ATP9B: variants seen among roughly 807,000 people sequenced by gnomAD.
ATP9B encodes the protein probable phospholipid-transporting ATPase IIB.
ATP9B carries 110 observed loss-of-function variants against 146.1 expected under a neutral mutation model. That is an observed-to-expected ratio of 0.75 (90% CI 0.65 to 0.88). The LOEUF (loss-of-function observed/expected upper bound fraction) is 0.88. Among genes scored for constraint, ATP9B ranks in the 40% least tolerant of loss-of-function variants. The probability of loss-of-function intolerance (pLI) is 0.00; values close to 1 mark genes in which losing one functional copy is unlikely to be tolerated. For synonymous variants in ATP9B, 604 were observed against 569.7 expected, an observed-to-expected ratio of 1.06 and a Z score of -0.86; for missense variants, 1,499 against 1,496.4, an observed-to-expected ratio of 1.00 and a Z score of -0.03.
chr18:79,074,547 C>T (rs773899288), intron 1 of ATP9B, among the ~76,000 whole-genome samples: 6 of 152,238 alleles, frequency 3.9e-5, no homozygotes, highest in African/African-American at 2.4e-5. Flanking sequence ...AGAGACCAGT[C>T]TCGGGCATGA....
chr18:79,344,331 G>T lies in ATP9B; in HGVS notation c.2449G>T (p.Val817Phe), dbSNP rs2096874370. The T allele has an allele frequency of 6.2e-7, 1 of 1,614,210 alleles. No homozygotes were observed. Among genetic ancestry groups the T allele is most frequent in the Non-Finnish European group, 8.5e-7 (1 of 1,180,034 alleles). Residue 817 changes from valine to phenylalanine, a missense_variant, in exon 21 of 30, where the codon GTC (valine) becomes TTC (phenylalanine). Val to Phe is a conservative substitution (Grantham distance 50). Transcript: ENST00000426216. ...TCGAAGGAAGCATGATTGTGCACTA[G>T]TCATATCTGGGGACTCTCTGGAGGT... ...AFRRKHDCAL[V>F]ISGDSLEVCL...
rs192534197 is a variant in ATP9B at position 79,291,911 on chromosome 18, C to T, written c.1412-11693C>T. Among the ~76,000 whole-genome samples the T allele has an allele frequency of 9.8e-5, 15 of 152,322 alleles. No individual in the cohort carries two copies. The East Asian group carries it at 1.9e-3, about 20-fold the overall frequency. The stretch of plus-strand genomic sequence containing the variant: ...CTCCCCATCCTCCCCTTCCATCGCC[C>T]GTGCCCCAGGCAGCCCCTGGTTACT... On this transcript the variant is annotated intron_variant, in intron 13 of 29. Coordinates refer to ENST00000426216, the MANE Select transcript of ATP9B (RefSeq NM_198531.5).
At chr18:79,288,625 A>T (rs2096468597) in intron 13 of ATP9B, among the ~76,000 whole-genome samples, 2 of 152,074 alleles carry the variant, frequency 1.3e-5, no homozygotes, top group South Asian at 4.2e-4. Context: ...TTTAAAGTTA[A>T]TATTGTTATG....
intron 19 of ATP9B, 106 bp from the exon 20 acceptor site, chr18:79,342,162 G>A: frequency 1.3e-6 from 1 of 758,386 alleles, no homozygotes; most frequent in Admixed American, 1.9e-5. Context: ...TCTATTGACG[G>A]GCACCTGGGT....
At chr18:79,230,411 G>A (rs4449018) in intron 11 of ATP9B, among the ~76,000 whole-genome samples, 57,567 of 151,944 alleles carry the variant, frequency 0.38, 11,922 homozygotes, top group African/African-American at 0.55. Context: ...TAGCCCTGCT[G>A]TATACCAAAC....
At position 79,193,679 on chromosome 18, in the gene ATP9B, G is replaced by A. The variant is rs549399219; in HGVS notation, c.954+416G>A. On this transcript the variant is annotated intron_variant, in intron 9 of 29. Coordinates refer to ENST00000426216, the MANE Select transcript of ATP9B (RefSeq NM_198531.5). ...CTTTATACACATATGTATATTTCAT[G>A]CCACACACTTTATATTATTACAGAG... Among the ~76,000 whole-genome samples, 167 of 152,246 alleles carry A rather than the reference G, an allele frequency of 1.1e-3. 1 individual carries two copies. Among genetic ancestry groups the A allele is most frequent in the African/African-American group, 3.8e-3 (160 of 41,564 alleles).
Position 79,157,477 on chromosome 18 carries a change from T to C in ATP9B, c.778+2922T>C, listed in dbSNP as rs915598473. Among the ~76,000 whole-genome samples the C allele has an allele frequency of 3.3e-5, 5 of 151,826 alleles. No individual in the cohort carries two copies. In the East Asian group the frequency reaches 9.7e-4, roughly 29 times the overall value. On this transcript the variant is annotated intron_variant, in intron 7 of 29. Transcript: ENST00000426216. ...GCTTTTTCTTGTGTTATTTTTGTTTTGGTGTCAGGGTAATACTGGCCTTAG... is the reference window on the plus strand; with the variant it reads ...GCTTTTTCTTGTGTTATTTTTGTTTCGGTGTCAGGGTAATACTGGCCTTAG...
intron 3 of ATP9B, among the ~76,000 whole-genome samples, chr18:79,112,400 T>C (rs952271111): frequency 4.2e-4 from 64 of 152,218 alleles, no homozygotes; most frequent in African/African-American, 1.5e-3. Context: ...GATCTATTAA[T>C]ATGTTAGATC....
chr18:79,182,513 A>T (rs1322837160), intron 8 of ATP9B, among the ~76,000 whole-genome samples: 1 of 151,946 alleles, frequency 6.6e-6, no homozygotes, highest in Non-Finnish European at 1.5e-5. Flanking sequence ...CTAAAGTGGT[A>T]AATCTCTTTA....
chr18:79,359,611 A>G (rs2096975454), intron 26 of ATP9B, 149 bp downstream of exon 26: 1 of 647,266 alleles, frequency 1.5e-6, no homozygotes, highest in South Asian at 1.8e-5. Context: ...ATGTCTCCTA[A>G]TTGTTGTTGG....
At position 79,313,995 on chromosome 18, in the gene ATP9B, G is replaced by A. The variant is rs553013622; in HGVS notation, c.1773+6761G>A. ...ATTATTTAGCTTATTGAACTTTGCTGCAGTTAGGTTGACGGATGATAGTAG... is the reference window on the plus strand; with the variant it reads ...ATTATTTAGCTTATTGAACTTTGCTACAGTTAGGTTGACGGATGATAGTAG... On this transcript the variant is annotated intron_variant, in intron 15 of 29. Transcript: ENST00000426216. Among the ~76,000 whole-genome samples the A allele has an allele frequency of 3.3e-5, 5 of 152,306 alleles. No homozygotes were observed. The South Asian group carries it at 1.0e-3, about 32-fold the overall frequency.
intron 8 of ATP9B, among the ~76,000 whole-genome samples, chr18:79,187,873 A>G (rs1439095956): frequency 6.6e-6 from 1 of 152,230 alleles, no homozygotes; most frequent in East Asian, 1.9e-4. Context: ...AATAGTAAAT[A>G]TGTCTTCTAG....
intron 1 of ATP9B, among the ~76,000 whole-genome samples, chr18:79,081,521 G>T (rs892337904): frequency 6.6e-6 from 1 of 151,004 alleles, no homozygotes; most frequent in Non-Finnish European, 1.5e-5. Context: ...TATTAGTCTG[G>T]CTAGTGGTCT....
chr18:79,243,580 G>C (rs540610836), intron 11 of ATP9B, among the ~76,000 whole-genome samples: 2 of 152,312 alleles, frequency 1.3e-5, no homozygotes, highest in Admixed American at 1.3e-4. Flanking sequence ...TTGTGTCCTT[G>C]ACTAGGTCCT....
In ATP9B at chr18:79,119,696, T is replaced by C. The variant is rs143485616; in HGVS notation, c.558+6342T>C. 2.2e-4 allele frequency among the ~76,000 whole-genome samples: 33 copies of C among 152,344 alleles called. 1 individual carries two copies. The East Asian group carries it at 4.8e-3, about 22-fold the overall frequency. On this transcript the variant is annotated intron_variant, in intron 4 of 29. Transcript: ENST00000426216. The stretch of plus-strand genomic sequence containing the variant: ...AGTATCATATTGTTCGATCTGAGAA[T>C]TGATTTACTTTTTAAATGATTTTCT...
At chr18:79,073,899 G>T (rs889589097) in intron 1 of ATP9B, among the ~76,000 whole-genome samples, 5 of 152,216 alleles carry the variant, frequency 3.3e-5, no homozygotes, top group Non-Finnish European at 2.9e-5. Context: ...CAGTGTCGGT[G>T]TCATGTGATT....
intron 11 of ATP9B, among the ~76,000 whole-genome samples, chr18:79,231,916 T>C (rs1053379542): frequency 6.6e-6 from 1 of 151,800 alleles, no homozygotes; most frequent in Non-Finnish European, 1.5e-5. Flanking sequence ...AACTCAAGAA[T>C]AGAAAAGCAA....
chr18:79,131,969 C>T (rs554104548), intron 5 of ATP9B, among the ~76,000 whole-genome samples: 4 of 152,300 alleles, frequency 2.6e-5, no homozygotes, highest in East Asian at 1.9e-4. Context: ...GAAGGGAGCA[C>T]GAAGCATCTG....
At chr18:79,184,394 CT>C (rs1261381635) in intron 8 of ATP9B, among the ~76,000 whole-genome samples, 1 of 152,022 alleles carries the variant, frequency 6.6e-6, no homozygotes, top group East Asian at 1.9e-4. Flanking sequence ...ATGTTATGAG[CT>C]GAGCAGAATC....
Sources: gnomAD v4.1 joint callset for allele counts (sites outside exome capture counted in the v4.1 genomes callset) on GRCh38, gnomAD v4.1.1 for gene constraint, MANE v1.5 for transcripts, NCBI Gene and HGNC (gene_info 2026-07-23, HGNC 2026-07-21) for gene names.